PRKCE: variants seen among roughly 807,000 people sequenced by gnomAD.
The protein encoded by PRKCE is protein kinase C epsilon, also known as protein kinase C epsilon type.
A neutral mutation model predicts 85.4 loss-of-function variants in PRKCE; 16 were observed. The ratio of observed to expected loss-of-function variants is 0.19; its 90% CI spans 0.13 to 0.28. The LOEUF is 0.28. PRKCE is among the 10% of genes least tolerant of loss of function. PRKCE has a pLI of 1.00. For missense variants in PRKCE, 573 were observed against 975.2 expected (o/e 0.59, Z 5.49); for synonymous variants, 388 against 371.5 (o/e 1.04, Z -0.51).
chr2:46,019,919 G>A (rs574399679), intron 10 of PRKCE, among the ~76,000 whole-genome samples: 4 of 141,570 alleles, frequency 2.8e-5, no homozygotes, highest in East Asian at 2.1e-4. Context: ...GCGCAATCTC[G>A]GCTCACTACA....
At position 45,858,483 on chromosome 2, in the gene PRKCE, T is replaced by A. The variant is rs547795958; in HGVS notation, c.412+15420T>A. On this transcript the variant is annotated intron_variant, in intron 2 of 14. Transcript: ENST00000306156. ...GACTTACCCTCCCTCCCTTCCACTA[T>A]TTTTATGCTGAACTTATATTGTATA... 7.9e-5 allele frequency among the ~76,000 whole-genome samples: 12 copies of A among 152,278 alleles called. No homozygotes were observed. The South Asian group carries it at 2.5e-3, about 32-fold the overall frequency.
At chr2:45,844,033 G>A (rs1691577523) in intron 2 of PRKCE, among the ~76,000 whole-genome samples, 3 of 152,132 alleles carry the variant, frequency 2.0e-5, no homozygotes, top group Admixed American at 6.5e-5. Context: ...AGAATACTGG[G>A]GATCACAAGC....
chr2:46,020,465 C>T (rs770803607), intron 10 of PRKCE, among the ~76,000 whole-genome samples: 9 of 151,874 alleles, frequency 5.9e-5, no homozygotes, highest in South Asian at 2.1e-4. Flanking sequence ...GGTGTCATTT[C>T]CTGAAGGTCT....
intron 2 of PRKCE, among the ~76,000 whole-genome samples, chr2:45,975,824 A>G (rs1410307474): frequency 1.3e-5 from 2 of 152,128 alleles, no homozygotes; most frequent in South Asian, 4.1e-4. Context: ...TCACTGTGTC[A>G]TATTTCCCTC....
At chr2:46,065,967 G>A (rs1667589226) in intron 10 of PRKCE, among the ~76,000 whole-genome samples, 2 of 152,156 alleles carry the variant, frequency 1.3e-5, no homozygotes, top group African/African-American at 4.8e-5. Flanking sequence ...TACCTCTTCT[G>A]AGACTGTATT....
intron 10 of PRKCE, among the ~76,000 whole-genome samples, chr2:46,055,457 A>G (rs1438485852): frequency 6.6e-6 from 1 of 152,214 alleles, no homozygotes; most frequent in South Asian, 2.1e-4. Context: ...CCCTGGTTCA[A>G]TTCAATCTCT....
intron 11 of PRKCE, among the ~76,000 whole-genome samples, chr2:46,124,880 C>T (rs1306695743): frequency 6.6e-6 from 1 of 152,186 alleles, no homozygotes; most frequent in Non-Finnish European, 1.5e-5. Context: ...CACTAGCAAC[C>T]TCCACTTAAT....
intron 11 of PRKCE, among the ~76,000 whole-genome samples, chr2:46,090,339 C>T (rs943527068): frequency 2.0e-5 from 3 of 152,176 alleles, no homozygotes; most frequent in African/African-American, 2.4e-5. Context: ...CCTCCCCTGA[C>T]TCCCTCCCCT....
At chr2:45,884,954 C>CATATATAT (rs745477412) in intron 2 of PRKCE, among the ~76,000 whole-genome samples, 46 of 37,520 alleles carry the variant, frequency 1.2e-3, no homozygotes, top group African/African-American at 1.8e-3. Flanking sequence ...ATATGTGATC[C>CATATATAT]ATATATATAT....
chr2:46,021,258 T>C (rs1706633717), intron 10 of PRKCE, among the ~76,000 whole-genome samples: 1 of 152,198 alleles, frequency 6.6e-6, no homozygotes, highest in African/African-American at 2.4e-5. Context: ...GTTGTGGAGT[T>C]CTTACTCTGC....
intron 10 of PRKCE, among the ~76,000 whole-genome samples, chr2:46,083,622 T>C (rs1669309586): frequency 1.3e-5 from 2 of 152,214 alleles, no homozygotes; most frequent in Non-Finnish European, 2.9e-5. Context: ...AGGCTTATCC[T>C]GGTGCTGCAG....
intron 2 of PRKCE, among the ~76,000 whole-genome samples, chr2:45,858,932 T>C (rs939302225): frequency 1.1e-4 from 17 of 151,768 alleles, no homozygotes; most frequent in African/African-American, 3.4e-4. Flanking sequence ...TCCCAGCTAC[T>C]TGGGAGGCTG....
In PRKCE at chr2:45,925,422, G is replaced by A. The variant is rs190294225; in HGVS notation, c.413-51007G>A. Among the ~76,000 whole-genome samples, 1,131 of 152,058 alleles carry A rather than the reference G, an allele frequency of 7.4e-3. 13 individuals are homozygous for A. The highest frequency in any genetic ancestry group is 0.011 in the South Asian group (51 of 4,826). ...AGCGATTCTCCTGCCTCAGCCTCCC[G>A]AGTAGCTGGGATTACAGGCACCACC... is the stretch of plus-strand genomic sequence containing the variant. On this transcript the variant is annotated intron_variant, in intron 2 of 14. Coordinates refer to ENST00000306156, the MANE Select transcript of PRKCE (RefSeq NM_005400.3).
chr2:46,008,355 G>T (rs757427981), intron 9 of PRKCE, among the ~76,000 whole-genome samples: 1 of 152,180 alleles, frequency 6.6e-6, no homozygotes, highest in African/African-American at 2.4e-5. Flanking sequence ...CGATGGCTGG[G>T]TGAGATGGAA....
intron 1 of PRKCE, among the ~76,000 whole-genome samples, chr2:45,670,334 T>G (rs530043769): frequency 3.3e-5 from 5 of 152,356 alleles, no homozygotes; most frequent in Admixed American, 6.5e-5. Flanking sequence ...TAAAGGCATA[T>G]CCTGTCTAGG....
chr2:46,014,733 C>T (rs115177948), intron 10 of PRKCE, among the ~76,000 whole-genome samples: 1,653 of 152,214 alleles, frequency 0.011, 37 homozygotes, highest in African/African-American at 0.038. Flanking sequence ...CCAATTACTG[C>T]CTAGTAGAGA....
In PRKCE at chr2:45,779,205, ATGCGC is replaced by A. The variant is rs1296231973; in HGVS notation, c.349-63792_349-63788del. 2.0e-5 allele frequency among the ~76,000 whole-genome samples: 3 copies of A among 152,344 alleles called. No homozygotes were observed. In the East Asian group the frequency reaches 5.8e-4, roughly 29 times the overall value. On this transcript the variant is annotated intron_variant, in intron 1 of 14. Transcript: ENST00000306156. ...GATTGTGGCCTGTTTTCCTCTAAGA[ATGCGC>A]TGTCCAGACACAGTGGCAAGGCGTA...
chr2:46,062,194 G>A (rs891170155), intron 10 of PRKCE, among the ~76,000 whole-genome samples: 3 of 152,142 alleles, frequency 2.0e-5, no homozygotes, highest in Non-Finnish European at 4.4e-5. Flanking sequence ...TTGCCCTCCT[G>A]CTGGATATAA....
At chr2:46,118,601 C>T (rs1672999806) in intron 11 of PRKCE, among the ~76,000 whole-genome samples, 1 of 152,112 alleles carries the variant, frequency 6.6e-6, no homozygotes, top group Admixed American at 6.5e-5. Flanking sequence ...TAATCACTGC[C>T]TAACAACTGG....
Sources: gnomAD v4.1 joint callset for allele counts (sites outside exome capture counted in the v4.1 genomes callset) on GRCh38, gnomAD v4.1.1 for gene constraint, MANE v1.5 for transcripts, NCBI Gene and HGNC (gene_info 2026-07-23, HGNC 2026-07-21) for gene names.